MALRD1: variants seen among roughly 807,000 people sequenced by gnomAD.
MALRD1 encodes MAM and LDL-receptor class A domain-containing protein 1.
Under a neutral mutation model 242.1 loss-of-function variants are expected in MALRD1, and 247 were observed. The ratio of observed to expected loss-of-function variants is 1.02; its 90% CI spans 0.92 to 1.13. MALRD1 has a LOEUF of 1.13. Ranked by LOEUF, MALRD1 falls within the 50% of genes most tolerant of loss-of-function variation. The pLI, the probability that MALRD1 is intolerant of heterozygous loss-of-function variation, is 0.00. For missense variants in MALRD1, 2,989 were observed against 2,533.1 expected (o/e 1.18, Z -3.86); for synonymous variants, 995 against 866.6 (o/e 1.15, Z -2.60).
rs79122221 is a variant in MALRD1, at chr10:19,505,865, C to G, written c.5320+7219C>G. Among the ~76,000 whole-genome samples, 361 of 152,282 alleles carry G rather than the reference C, an allele frequency of 2.4e-3. 6 individuals are homozygous for G. In the East Asian group the frequency reaches 0.049, roughly 21 times the overall value. ...AGATAATTACAGCCTGAAAATGAGT[C>G]AGTGTCATAGTTGGGGTTACACAGG... On this transcript the variant is annotated intron_variant, in intron 31 of 39. Coordinates refer to ENST00000454679, the MANE Select transcript of MALRD1 (RefSeq NM_001142308.3).
In MALRD1 at chr10:19,479,060, A is replaced by T. The variant is rs1836869482; in HGVS notation, c.5030-12457A>T. 2.0e-5 allele frequency among the ~76,000 whole-genome samples: 3 copies of T among 152,196 alleles called. No individual in the cohort carries two copies. The South Asian group carries it at 6.2e-4, about 32-fold the overall frequency. Reference sequence around the variant, plus strand: ...TGCAATGGTGAAGCCAGCCCAAGCAATTTTACCAAATTTAAACACAGTTCC... The same window carrying T: ...TGCAATGGTGAAGCCAGCCCAAGCATTTTTACCAAATTTAAACACAGTTCC... On this transcript the variant is annotated intron_variant, in intron 29 of 39. Transcript: ENST00000454679.
intron 1 of MALRD1, among the ~76,000 whole-genome samples, chr10:19,066,452 A>C (rs1834983081): frequency 6.6e-6 from 1 of 152,210 alleles, no homozygotes; most frequent in East Asian, 1.9e-4. Flanking sequence ...GTTAATAAGA[A>C]TCAAAATCAG....
intron 1 of MALRD1, among the ~76,000 whole-genome samples, chr10:19,053,081 G>T (rs1453750491): frequency 6.6e-6 from 1 of 152,132 alleles, no homozygotes; most frequent in Non-Finnish European, 1.5e-5. Context: ...CCTCAGCCCT[G>T]CCACCCTCTG....
intron 21 of MALRD1, among the ~76,000 whole-genome samples, chr10:19,308,536 T>A (rs1226219226): frequency 6.6e-6 from 1 of 151,546 alleles, no homozygotes; most frequent in African/African-American, 2.4e-5. Context: ...CTAGTCCAGA[T>A]AATAGTTTCT....
intron 12 of MALRD1, among the ~76,000 whole-genome samples, chr10:19,163,390 C>G (rs1834527496): frequency 1.3e-5 from 2 of 151,088 alleles, no homozygotes; most frequent in Non-Finnish European, 2.9e-5. Context: ...CCTTAGCAAA[C>G]TAACACAGGA....
In MALRD1 at chr10:19,258,142, C is replaced by A. The variant is rs535083563; in HGVS notation, c.3079+371C>A. Reference sequence around the variant, plus strand: ...CCTCTCGGATTACTCTCGGGAGGCACTTTAAATATTTCTAACAATTGTTGT... The same window carrying A: ...CCTCTCGGATTACTCTCGGGAGGCAATTTAAATATTTCTAACAATTGTTGT... On this transcript the variant is annotated intron_variant, in intron 19 of 39. Coordinates refer to ENST00000454679, the MANE Select transcript of MALRD1 (RefSeq NM_001142308.3). Among the ~76,000 whole-genome samples the A allele has an allele frequency of 7.4e-4, 112 of 152,228 alleles. 1 individual carries two copies. The highest frequency in any genetic ancestry group is 1.2e-3 in the Non-Finnish European group (81 of 68,006).
chr10:19,330,873 C>A (rs1843331750), intron 23 of MALRD1, among the ~76,000 whole-genome samples: 1 of 151,250 alleles, frequency 6.6e-6, no homozygotes, highest in African/African-American at 2.4e-5. Context: ...AAAAAAAAAA[C>A]TCATGGTATT....
chr10:19,374,699 A>G lies in MALRD1; in HGVS notation c.4442-12829A>G, dbSNP rs150121131. 6.6e-5 allele frequency among the ~76,000 whole-genome samples: 10 copies of G among 152,304 alleles called. No homozygotes were observed. In the East Asian group the frequency reaches 1.9e-3, roughly 29 times the overall value. Reference sequence around the variant, plus strand: ...CAGCCCTTTTCAGTTTTCACTCTTCAGGATCCACAATGGTGGTATGCACCT... The same window carrying G: ...CAGCCCTTTTCAGTTTTCACTCTTCGGGATCCACAATGGTGGTATGCACCT... On this transcript the variant is annotated intron_variant, in intron 26 of 39. Transcript: ENST00000454679.
chr10:19,182,083 T>G (rs1835531471), intron 14 of MALRD1, among the ~76,000 whole-genome samples: 1 of 152,170 alleles, frequency 6.6e-6, no homozygotes, highest in African/African-American at 2.4e-5. Flanking sequence ...CTAGTTTTCT[T>G]GCTGTGTAAG....
chr10:19,727,846 A>G (rs945017060), intron 38 of MALRD1, among the ~76,000 whole-genome samples: 1 of 152,140 alleles, frequency 6.6e-6, no homozygotes, highest in Non-Finnish European at 1.5e-5. Context: ...TTATAATGAA[A>G]CAAACATTTT....
At chr10:19,647,649 A>T (rs1045207143) in intron 36 of MALRD1, among the ~76,000 whole-genome samples, 2 of 152,190 alleles carry the variant, frequency 1.3e-5, no homozygotes, top group Non-Finnish European at 2.9e-5. Context: ...TGTGCAACTG[A>T]TAGAGCAAGA....
Position 19,209,456 on chromosome 10 carries a change from C to G in MALRD1, c.2767C>G (p.Gln923Glu). Residue 923 changes from glutamine to glutamate, a missense_variant, in exon 18 of 40, where the codon CAA becomes GAA. Gln to Glu is a conservative substitution (Grantham distance 29). Transcript: ENST00000454679. ...AGAATCTTCAGAGCCACAGGCTTTT[C>G]AAGACAGTGCTGCCTTACTCAGCCC... ...YIESSEPQAF[Q>E]DSAALLSPIL... 1 of 1,550,882 alleles carries G rather than the reference C, an allele frequency of 6.4e-7. No individual in the cohort carries two copies. The highest frequency in any genetic ancestry group is 2.4e-5 in the East Asian group (1 of 40,916).
intron 26 of MALRD1, among the ~76,000 whole-genome samples, chr10:19,368,068 C>G (rs775577546): frequency 1.3e-5 from 2 of 152,018 alleles, no homozygotes; most frequent in Non-Finnish European, 2.9e-5. Flanking sequence ...TCTTTTTACC[C>G]GGTTGATTGT....
At chr10:19,106,440 T>A (rs1588552841) in intron 5 of MALRD1, among the ~76,000 whole-genome samples, 1 of 152,050 alleles carries the variant, frequency 6.6e-6, no homozygotes, top group East Asian at 1.9e-4. Flanking sequence ...TGGTTGTTCA[T>A]AATGGTCTTT....
At chr10:19,301,210 A>T (rs1045965213) in intron 21 of MALRD1, among the ~76,000 whole-genome samples, 6 of 151,932 alleles carry the variant, frequency 3.9e-5, no homozygotes, top group African/African-American at 1.4e-4. Context: ...TCAAAAATTA[A>T]CACAGGCTGA....
At chr10:19,287,244 CT>C (rs1281745825) in intron 21 of MALRD1, among the ~76,000 whole-genome samples, 2 of 151,990 alleles carry the variant, frequency 1.3e-5, no homozygotes, top group African/African-American at 4.8e-5. Flanking sequence ...ACTTTTCTCA[CT>C]TTTATTAGGG....
chr10:19,110,449 G>C (rs1836637442), intron 5 of MALRD1, among the ~76,000 whole-genome samples: 1 of 152,172 alleles, frequency 6.6e-6, no homozygotes, highest in Admixed American at 6.5e-5. Flanking sequence ...AATTGAAATA[G>C]AGAACTTTAA....
At position 19,536,342 on chromosome 10, in the gene MALRD1, T is replaced by G. The variant is rs533534100; in HGVS notation, c.5478+4991T>G. Among the ~76,000 whole-genome samples the G allele has an allele frequency of 8.7e-4, 72 of 82,570 alleles. 1 individual carries two copies. In the South Asian group the frequency reaches 0.03, roughly 34 times the overall value. 54.2% of individuals were successfully genotyped at this position (82,570 alleles called of 152,430 possible). A position where few individuals can be genotyped will look rare whatever the true frequency, so the allele number is the denominator to read the frequency against. ...CATAGAACATGCCAGAAAAATTTTT[T>G]TTCTTTTCTTTTTTTTTTTTAATTA... On this transcript the variant is annotated intron_variant, in intron 32 of 39. Coordinates refer to ENST00000454679, the MANE Select transcript of MALRD1 (RefSeq NM_001142308.3).
chr10:19,672,120 A>C (rs985163061), intron 36 of MALRD1, among the ~76,000 whole-genome samples: 1 of 152,028 alleles, frequency 6.6e-6, no homozygotes, highest in Non-Finnish European at 1.5e-5. Context: ...CAGAGAGTCC[A>C]CATCTCTGTC....
Sources: gnomAD v4.1 joint callset for allele counts (sites outside exome capture counted in the v4.1 genomes callset) on GRCh38, gnomAD v4.1.1 for gene constraint, MANE v1.5 for transcripts, NCBI Gene and HGNC (gene_info 2026-07-23, HGNC 2026-07-21) for gene names.